Variants in FMN1 observed in about 807,000 individuals in gnomAD.
The protein encoded by FMN1 is formin-1.
FMN1 carries 110 observed loss-of-function variants against 132.4 expected under a neutral mutation model. The ratio of observed to expected loss-of-function variants is 0.83; its 90% CI spans 0.71 to 0.97. The LOEUF (loss-of-function observed/expected upper bound fraction) is 0.97. Among genes scored for constraint, FMN1 ranks in the 50% least tolerant of loss-of-function variants. FMN1 has a pLI of 0.00. For missense variants in FMN1, 1,792 were observed against 1,705.3 expected, an observed-to-expected ratio of 1.05 and a Z score of -0.90; for synonymous variants, 722 against 651.7, an observed-to-expected ratio of 1.11 and a Z score of -1.64.
intron 10 of FMN1, among the ~76,000 whole-genome samples, chr15:32,923,603 G>A (rs1365339906): frequency 1.3e-5 from 2 of 152,184 alleles, no homozygotes; most frequent in South Asian, 2.1e-4. Context: ...ACATTCGGAC[G>A]CTGAAATGAA....
At chr15:32,906,401 T>C (rs1032188242) in intron 12 of FMN1, among the ~76,000 whole-genome samples, 1 of 152,240 alleles carries the variant, frequency 6.6e-6, no homozygotes, top group African/African-American at 2.4e-5. Context: ...ATAAGTAAAA[T>C]GTCATTGGGG....
intron 9 of FMN1, among the ~76,000 whole-genome samples, chr15:32,932,729 G>C (rs2061151781): frequency 6.6e-6 from 1 of 152,130 alleles, no homozygotes; most frequent in Non-Finnish European, 1.5e-5. Flanking sequence ...GTCCTGCTAG[G>C]TTGTACATTT....
intron 19 of FMN1, among the ~76,000 whole-genome samples, chr15:32,789,010 A>G (rs2056975315): frequency 6.6e-6 from 1 of 152,240 alleles, no homozygotes; most frequent in African/African-American, 2.4e-5. Flanking sequence ...ACCAAAACCC[A>G]AATAAACAAG....
At chr15:33,151,000 A>C in intron 4 of FMN1, 1 of 1,122,420 alleles carries the variant, frequency 8.9e-7, no homozygotes, top group African/African-American at 1.6e-5. Flanking sequence ...AGGTAGCTGG[A>C]AGCAGGAAAC....
chr15:33,083,611 G>C (rs1226533752), intron 5 of FMN1, among the ~76,000 whole-genome samples: 1 of 152,186 alleles, frequency 6.6e-6, no homozygotes, highest in Non-Finnish European at 1.5e-5. Flanking sequence ...TGTATCTCTT[G>C]ATCTGGCTAT....
At chr15:33,046,832 A>G (rs183062515) in intron 6 of FMN1, among the ~76,000 whole-genome samples, 4 of 86,608 alleles carry the variant, frequency 4.6e-5, no homozygotes, top group Non-Finnish European at 8.1e-5. Flanking sequence ...GGAAAAAATG[A>G]TTTCTGAGGC....
chr15:32,822,042 T>C (rs544408321), intron 17 of FMN1, among the ~76,000 whole-genome samples: 5 of 152,356 alleles, frequency 3.3e-5, no homozygotes, highest in Non-Finnish European at 5.9e-5. Context: ...CCTAGATTCA[T>C]TTTCAACTTG....
At chr15:32,851,325 A>G (rs1290134499) in intron 17 of FMN1, among the ~76,000 whole-genome samples, 2 of 152,274 alleles carry the variant, frequency 1.3e-5, no homozygotes, top group South Asian at 2.1e-4. Context: ...AACAGCATGA[A>G]AAGACCACCT....
rs567268322 is a variant in FMN1, at chr15:33,191,093, C to T, written c.-197+2816G>A. ...GCTGAAGCAGGAGAATGGCGTGAAC[C>T]CGGGAGGCGGAGCTTGCAGTGTGTT... On this transcript the variant is annotated intron_variant, in intron 2 of 20. Transcript: ENST00000616417. Among the ~76,000 whole-genome samples the T allele has an allele frequency of 1.1e-4, 16 of 151,948 alleles. No homozygotes were observed. In the South Asian group the frequency reaches 2.7e-3, roughly 26 times the overall value.
chr15:32,965,555 C>G (rs1463174806), intron 8 of FMN1, among the ~76,000 whole-genome samples: 1 of 152,076 alleles, frequency 6.6e-6, no homozygotes, highest in Non-Finnish European at 1.5e-5. Flanking sequence ...AAAAAGATAA[C>G]TATTATTACA....
At chr15:32,835,368 T>C (rs1459666081) in intron 17 of FMN1, among the ~76,000 whole-genome samples, 4 of 152,224 alleles carry the variant, frequency 2.6e-5, no homozygotes, top group Non-Finnish European at 5.9e-5. Context: ...GTGAAATATC[T>C]TTTTCTTCCT....
At chr15:32,915,753 G>A (rs1169543894) in intron 10 of FMN1, among the ~76,000 whole-genome samples, 2 of 152,220 alleles carry the variant, frequency 1.3e-5, no homozygotes, top group African/African-American at 2.4e-5. Flanking sequence ...GACCCCAACA[G>A]CTCATTGCTA....
chr15:33,084,479 G>C (rs551863279), intron 5 of FMN1, among the ~76,000 whole-genome samples: 2 of 152,296 alleles, frequency 1.3e-5, no homozygotes, highest in African/African-American at 4.8e-5. Context: ...TCCTTAACTT[G>C]TGGGATGTGG....
At chr15:33,142,242 C>A (rs1964040466) in intron 4 of FMN1, among the ~76,000 whole-genome samples, 1 of 152,214 alleles carries the variant, frequency 6.6e-6, no homozygotes, top group Admixed American at 6.5e-5. Flanking sequence ...CATTACCCAA[C>A]TGGCTCAAAA....
At chr15:32,809,046 G>A (rs2057779971) in intron 17 of FMN1, among the ~76,000 whole-genome samples, 1 of 151,820 alleles carries the variant, frequency 6.6e-6, no homozygotes, top group African/African-American at 2.4e-5. Context: ...TTCATCCTCA[G>A]GAGAAAGAGA....
At chr15:32,980,940 G>A (rs1174955461) in intron 7 of FMN1, among the ~76,000 whole-genome samples, 1 of 152,172 alleles carries the variant, frequency 6.6e-6, no homozygotes, top group Non-Finnish European at 1.5e-5. Flanking sequence ...CTTGAACCCG[G>A]GAAGCGGAGG....
At chr15:32,894,282 C>T (rs756202918) in intron 15 of FMN1, among the ~76,000 whole-genome samples, 10 of 151,892 alleles carry the variant, frequency 6.6e-5, no homozygotes, top group African/African-American at 2.2e-4. Flanking sequence ...GTCAGGAGTT[C>T]GAGACCAGCC....
Position 32,768,391 on chromosome 15 carries a change from TTAAC to T in FMN1, c.*5915_*5918del, listed in dbSNP as rs2056117881. 6.6e-6 allele frequency: 1 copy of T among 152,196 alleles called. No homozygotes were observed. Among genetic ancestry groups the T allele is most frequent in the South Asian group, 2.1e-4 (1 of 4,822 alleles). The allele number at this position is 152,196 out of a possible 1,614,324, so 9.4% of individuals were successfully genotyped here. A position where few individuals can be genotyped will look rare whatever the true frequency, so the allele number is the denominator to read the frequency against. On this transcript the variant is annotated 3_prime_UTR_variant, in exon 21 of 21. Coordinates refer to ENST00000616417, the MANE Select transcript of FMN1 (RefSeq NM_001277313.2). The stretch of plus-strand genomic sequence containing the variant: ...AGCAGGTACACGTTTGCCAAGGACA[TTAAC>T]AAACAATTGCTAATGTGTGCCTGAA...
intron 9 of FMN1, among the ~76,000 whole-genome samples, chr15:32,950,796 C>CT (rs1432218955): frequency 6.6e-6 from 1 of 152,094 alleles, no homozygotes; most frequent in African/African-American, 2.4e-5. Context: ...CATGACACAA[C>CT]TTTATCTATG....
Sources: allele counts gnomAD v4.1 joint callset (sites outside exome capture counted in the v4.1 genomes callset), GRCh38; gene constraint gnomAD v4.1.1; transcripts MANE v1.5; gene names NCBI Gene and HGNC (gene_info 2026-07-23, HGNC 2026-07-21).